Variants in OR3A2 observed in about 807,000 individuals in gnomAD.
The protein encoded by OR3A2 is olfactory receptor 3A2.
For missense variants in OR3A2, 318 were observed against 392.8 expected (o/e 0.81, Z 1.61); for synonymous variants, 126 against 159.3 (o/e 0.79, Z 1.57).
chr17:3,329,688 G>A (rs1354202753), intron 3 of OR3A2, among the ~76,000 whole-genome samples: 1 of 138,280 alleles, frequency 7.2e-6, no homozygotes, highest in Non-Finnish European at 1.5e-5. Flanking sequence ...ATTTTTTGAA[G>A]GGTTTTTTGT....
At chr17:3,382,545 A>C (rs2049746376) in intron 2 of OR3A2, among the ~76,000 whole-genome samples, 1 of 151,900 alleles carries the variant, frequency 6.6e-6, no homozygotes, top group African/African-American at 2.4e-5. Flanking sequence ...AGGTGAGAAA[A>C]CCCAACATTT....
intron 1 of OR3A2, among the ~76,000 whole-genome samples, chr17:3,279,520 G>A (rs543601867): frequency 2.6e-5 from 4 of 152,314 alleles, no homozygotes; most frequent in East Asian, 3.9e-4. Flanking sequence ...CAGGCTGGGC[G>A]TGGTGGCTCA....
chr17:3,281,122 C>T (rs550978091), intron 1 of OR3A2, among the ~76,000 whole-genome samples: 47 of 152,282 alleles, frequency 3.1e-4, no homozygotes, highest in African/African-American at 1.1e-3. Context: ...CAGCCAGTAT[C>T]AACCTTGGCT....
At chr17:3,321,875 C>G (rs1045967806) in intron 3 of OR3A2, among the ~76,000 whole-genome samples, 1 of 152,140 alleles carries the variant, frequency 6.6e-6, no homozygotes, top group South Asian at 2.1e-4. Flanking sequence ...CCTTTGGTAT[C>G]AGGATGATGC....
intron 2 of OR3A2, among the ~76,000 whole-genome samples, chr17:3,352,871 A>G (rs376357403): frequency 6.6e-6 from 1 of 152,076 alleles, no homozygotes; most frequent in East Asian, 1.9e-4. Context: ...GATTTTTCCA[A>G]TCCATAAACA....
At chr17:3,380,534 T>C (rs904747876) in intron 2 of OR3A2, among the ~76,000 whole-genome samples, 3 of 152,084 alleles carry the variant, frequency 2.0e-5, no homozygotes, top group Non-Finnish European at 1.5e-5. Flanking sequence ...TCCGAATGCC[T>C]CCCCCACCAG....
At chr17:3,359,632 C>T (rs2150658478) in intron 2 of OR3A2, among the ~76,000 whole-genome samples, 1 of 151,838 alleles carries the variant, frequency 6.6e-6, no homozygotes, top group Admixed American at 6.6e-5. Flanking sequence ...AGGGTTTTAG[C>T]TGAGAGGTCT....
chr17:3,372,107 C>T (rs982385401), intron 2 of OR3A2, among the ~76,000 whole-genome samples: 18 of 145,186 alleles, frequency 1.2e-4, no homozygotes, highest in South Asian at 2.3e-4. Context: ...TCTTCTCAGA[C>T]GGGGCGGCCA....
At chr17:3,326,094 T>C (rs1305190988) in intron 3 of OR3A2, among the ~76,000 whole-genome samples, 1 of 152,130 alleles carries the variant, frequency 6.6e-6, no homozygotes, top group Non-Finnish European at 1.5e-5. Flanking sequence ...TCCAGCTCCA[T>C]CCATGTTCCT....
intron 3 of OR3A2, among the ~76,000 whole-genome samples, chr17:3,315,715 TAAATA>T (rs939590424): frequency 9.4e-5 from 13 of 138,984 alleles, no homozygotes; most frequent in African/African-American, 3.1e-4. Context: ...ACTAACTAAA[TAAATA>T]AAACTTTTAA....
intron 3 of OR3A2, among the ~76,000 whole-genome samples, chr17:3,300,855 C>T (rs1199089932): frequency 1.8e-4 from 26 of 144,996 alleles, no homozygotes; most frequent in Admixed American, 5.6e-4. Flanking sequence ...CCCCATCCCA[C>T]GACAGGCCCT....
intron 2 of OR3A2, among the ~76,000 whole-genome samples, chr17:3,379,626 C>T (rs934618933): frequency 1.3e-5 from 2 of 152,196 alleles, no homozygotes; most frequent in Non-Finnish European, 1.5e-5. Flanking sequence ...CGCAGCTCCA[C>T]TTCACTGCTC....
chr17:3,359,293 G>A (rs2049489612), intron 2 of OR3A2, among the ~76,000 whole-genome samples: 1 of 151,682 alleles, frequency 6.6e-6, no homozygotes. Context: ...GTATTGATAT[G>A]TATGGATTTG....
intron 3 of OR3A2, among the ~76,000 whole-genome samples, chr17:3,307,587 T>C (rs1434171828): frequency 6.6e-6 from 1 of 152,246 alleles, no homozygotes; most frequent in Non-Finnish European, 1.5e-5. Flanking sequence ...AAAAGTCCTC[T>C]AACCCTTTAT....
chr17:3,372,113 G>A (rs1209821714), intron 2 of OR3A2, among the ~76,000 whole-genome samples: 15 of 148,984 alleles, frequency 1.0e-4, no homozygotes, highest in Non-Finnish European at 1.2e-4. Context: ...CAGACGGGGC[G>A]GCCAGGCAGA....
At position 3,380,592 on chromosome 17, in the gene OR3A2, T is replaced by C. The variant is rs116962296; in HGVS notation, c.-179+3212A>G. On this transcript the variant is annotated intron_variant, in intron 2 of 4. Transcript: ENST00000573491. ...GGAGTAGATACAACAGTTAAGATGT[T>C]TGAATACATTATTGAAGACAAATGA... 2.2e-3 allele frequency among the ~76,000 whole-genome samples: 336 copies of C among 152,258 alleles called. 1 individual carries two copies. The highest frequency in any genetic ancestry group is 2.2e-3 in the Non-Finnish European group (151 of 68,016).
chr17:3,293,467 G>A (rs773930549), intron 3 of OR3A2, among the ~76,000 whole-genome samples: 2 of 152,068 alleles, frequency 1.3e-5, no homozygotes, highest in African/African-American at 4.8e-5. Flanking sequence ...GTAGGTTCCT[G>A]CTAGTCTGAA....
At chr17:3,294,131 TA>T (rs1310193876) in intron 3 of OR3A2, among the ~76,000 whole-genome samples, 1 of 149,376 alleles carries the variant, frequency 6.7e-6, no homozygotes. Context: ...ATAATAACAA[TA>T]AAAAAGAAAA....
chr17:3,299,758 G>A (rs1462244237), intron 3 of OR3A2, among the ~76,000 whole-genome samples: 2 of 152,158 alleles, frequency 1.3e-5, no homozygotes, highest in South Asian at 2.1e-4. Flanking sequence ...GACTGACGGC[G>A]TGCCTTAGGA....
Sources: gnomAD v4.1 joint callset for allele counts (sites outside exome capture counted in the v4.1 genomes callset) on GRCh38, gnomAD v4.1.1 for gene constraint, MANE v1.5 for transcripts, NCBI Gene and HGNC (gene_info 2026-07-23, HGNC 2026-07-21) for gene names.